EPHA5: variants seen among roughly 807,000 people sequenced by gnomAD.
EPHA5 encodes the protein ephrin type-A receptor 5.
In EPHA5, 60 loss-of-function variants were observed where a neutral mutation model predicts 105.0. The observed-to-expected ratio is 0.57, with a 90% CI of 0.46 to 0.71. EPHA5 has a LOEUF of 0.71. EPHA5 is among the 30% of genes least tolerant of loss of function. EPHA5 has a pLI of 0.00. For missense variants in EPHA5, 1,218 were observed against 1,274.7 expected (o/e 0.96, Z 0.68); for synonymous variants, 513 against 449.1 (o/e 1.14, Z -1.80).
intron 8 of EPHA5, among the ~76,000 whole-genome samples, chr4:65,381,765 G>A (rs925661747): frequency 6.6e-6 from 1 of 151,718 alleles, no homozygotes; most frequent in African/African-American, 2.4e-5. Flanking sequence ...AAGATCATAA[G>A]TGCCCAGCCC....
intron 4 of EPHA5, among the ~76,000 whole-genome samples, chr4:65,492,729 A>T (rs1731534398): frequency 6.6e-6 from 1 of 152,116 alleles, no homozygotes; most frequent in Non-Finnish European, 1.5e-5. Context: ...TTACTATCGT[A>T]AACAGTGCTG....
chr4:65,648,776 T>C (rs1748347478), intron 1 of EPHA5, among the ~76,000 whole-genome samples: 1 of 152,200 alleles, frequency 6.6e-6, no homozygotes. Flanking sequence ...ATTTAACTAA[T>C]CTGTGGGAAC....
In EPHA5 at chr4:65,469,026, G is replaced by C. The variant is rs1201179346; in HGVS notation, c.1402+21351C>G. 2.6e-5 allele frequency among the ~76,000 whole-genome samples: 4 copies of C among 152,128 alleles called. No individual in the cohort carries two copies. In the East Asian group the frequency reaches 7.8e-4, roughly 30 times the overall value. On this transcript the variant is annotated intron_variant, in intron 5 of 16. Coordinates refer to ENST00000613740, the MANE Select transcript of EPHA5 (RefSeq NM_001281766.3). ...TAAGCACTATCTTAAACGGGCCCTTGAGTGTGAAGTCTAGGACTTTTAGCT... is the reference window on the plus strand; with the variant it reads ...TAAGCACTATCTTAAACGGGCCCTTCAGTGTGAAGTCTAGGACTTTTAGCT...
In EPHA5 at chr4:65,322,552, C is replaced by A. The variant is rs528561969; in HGVS notation, c.*1562G>T. ...AATAATACAAAAATGTTGGTTATCT[C>A]AGGAGCTCAGTTTTGGACAATTTCT... On this transcript the variant is annotated 3_prime_UTR_variant, in exon 17 of 17. Coordinates refer to ENST00000613740, the MANE Select transcript of EPHA5 (RefSeq NM_001281766.3). 3.6e-5 allele frequency: 8 copies of A among 224,634 alleles called. No homozygotes were observed. Among genetic ancestry groups the A allele is most frequent in the Non-Finnish European group, 7.1e-5 (8 of 112,672 alleles). 13.9% of individuals were successfully genotyped at this position (224,634 alleles called of 1,614,324 possible).
At chr4:65,656,192 T>C (rs1356631331) in intron 1 of EPHA5, among the ~76,000 whole-genome samples, 1 of 148,596 alleles carries the variant, frequency 6.7e-6, no homozygotes, top group African/African-American at 2.5e-5. Context: ...TCTATGGCTT[T>C]CTACAATGAC....
At chr4:65,359,527 A>G (rs1335757116) in intron 11 of EPHA5, among the ~76,000 whole-genome samples, 1 of 151,588 alleles carries the variant, frequency 6.6e-6, no homozygotes, top group Non-Finnish European at 1.5e-5. Context: ...CTTGTTCCTC[A>G]TAAGCTTTTC....
intron 3 of EPHA5, among the ~76,000 whole-genome samples, chr4:65,576,120 G>GAAA (rs1404176571): frequency 1.7e-5 from 2 of 116,290 alleles, no homozygotes; most frequent in Admixed American, 9.0e-5. Context: ...AAAGAAAAAA[G>GAAA]AAAAGAAAAG....
At chr4:65,351,961 C>A (rs1446133266) in intron 12 of EPHA5, among the ~76,000 whole-genome samples, 3 of 151,950 alleles carry the variant, frequency 2.0e-5, no homozygotes, top group Non-Finnish European at 4.4e-5. Context: ...AAGAAGCTAG[C>A]TGGATAGACA....
intron 16 of EPHA5, among the ~76,000 whole-genome samples, chr4:65,328,003 A>G (rs1720244039): frequency 6.6e-6 from 1 of 151,176 alleles, no homozygotes; most frequent in Non-Finnish European, 1.5e-5. Context: ...TAATTTGGAA[A>G]TGGTACAAGG....
rs1254278556 is a variant in EPHA5, at chr4:65,507,269, G to T, written c.911-11726C>A. Among the ~76,000 whole-genome samples the T allele has an allele frequency of 2.6e-5, 4 of 152,134 alleles. No homozygotes were observed. In the East Asian group the frequency reaches 7.7e-4, roughly 29 times the overall value. On this transcript the variant is annotated intron_variant, in intron 3 of 16. Transcript: ENST00000613740. ...GTACCATGCTGTTTTGGTTACTGTA[G>T]CCTTGTAGTATAGTTTGAAGTCAGG...
chr4:65,668,242 G>A (rs180903000), intron 1 of EPHA5, among the ~76,000 whole-genome samples: 1 of 152,262 alleles, frequency 6.6e-6, no homozygotes, highest in African/African-American at 2.4e-5. Context: ...TATCAGCTCA[G>A]CGCCTTCTCC....
At chr4:65,607,007 T>A (rs1336128288) in intron 2 of EPHA5, among the ~76,000 whole-genome samples, 1 of 152,164 alleles carries the variant, frequency 6.6e-6, no homozygotes, top group Non-Finnish European at 1.5e-5. Flanking sequence ...AAATATAATA[T>A]CTTCTCAAGT....
chr4:65,515,356 A>G (rs1417050967), intron 3 of EPHA5, among the ~76,000 whole-genome samples: 1 of 152,174 alleles, frequency 6.6e-6, no homozygotes, highest in Non-Finnish European at 1.5e-5. Flanking sequence ...TGAATTGCAA[A>G]ACCAGCTTAC....
At position 65,575,256 on chromosome 4, in the gene EPHA5, ACCTTGGATGGTCAGCTAC is replaced by A. The variant is rs371010282; in HGVS notation, c.910+26367_910+26384del. Reference sequence around the variant, plus strand: ...TTTTATAGCATTTCTACTGCTCACAACCTTGGATGGTCAGCTACCCAAATCAGTGGGCTCCCACAAGCT... The same window carrying A: ...TTTTATAGCATTTCTACTGCTCACAACCAAATCAGTGGGCTCCCACAAGCT... On this transcript the variant is annotated intron_variant, in intron 3 of 16. Coordinates refer to ENST00000613740, the MANE Select transcript of EPHA5 (RefSeq NM_001281766.3). 8.7e-3 allele frequency among the ~76,000 whole-genome samples: 1,323 copies of A among 152,246 alleles called. 9 individuals are homozygous for A. The highest frequency in any genetic ancestry group is 0.017 in the Middle Eastern group (5 of 294).
At chr4:65,361,161 C>T (rs1330974679) in intron 11 of EPHA5, among the ~76,000 whole-genome samples, 1 of 151,570 alleles carries the variant, frequency 6.6e-6, no homozygotes. Context: ...GGGAAGTTTT[C>T]CTTTACTCAG....
intron 3 of EPHA5, among the ~76,000 whole-genome samples, chr4:65,551,138 G>T (rs1488819536): frequency 6.8e-6 from 1 of 148,030 alleles, no homozygotes; most frequent in Non-Finnish European, 1.5e-5. Context: ...TATAAATGAT[G>T]ATAAATGAGC....
intron 14 of EPHA5, among the ~76,000 whole-genome samples, chr4:65,339,103 T>C (rs1023473030): frequency 3.9e-5 from 6 of 152,160 alleles, no homozygotes; most frequent in Admixed American, 3.9e-4. Context: ...TGTAAACTGA[T>C]AGTCTGAACA....
chr4:65,426,105 C>T (rs1724417915), intron 5 of EPHA5, among the ~76,000 whole-genome samples: 1 of 152,124 alleles, frequency 6.6e-6, no homozygotes, highest in African/African-American at 2.4e-5. Context: ...ATTGTTCATG[C>T]TGTAATTTTG....
intron 5 of EPHA5, among the ~76,000 whole-genome samples, chr4:65,473,468 G>T (rs1729488031): frequency 6.6e-6 from 1 of 152,206 alleles, no homozygotes; most frequent in African/African-American, 2.4e-5. Context: ...CCTCAGGAAA[G>T]TTACAATTTT....
Sources: gnomAD v4.1 joint callset for allele counts (sites outside exome capture counted in the v4.1 genomes callset) on GRCh38, gnomAD v4.1.1 for gene constraint, MANE v1.5 for transcripts, NCBI Gene and HGNC (gene_info 2026-07-23, HGNC 2026-07-21) for gene names.